TEX261: variants seen among roughly 807,000 people sequenced by gnomAD.
TEX261 encodes the protein protein TEX261.
In TEX261, 13 loss-of-function variants were observed where a neutral mutation model predicts 25.1. The ratio of observed to expected loss-of-function variants is 0.52; its 90% confidence interval spans 0.34 to 0.82. The LOEUF (loss-of-function observed/expected upper bound fraction) is 0.82. TEX261 is among the 40% of genes least tolerant of loss of function. TEX261 has a pLI of 0.02. For synonymous variants in TEX261, 92 were observed against 97.8 expected (o/e 0.94, Z 0.35); for missense variants, 206 against 243.2 (o/e 0.85, Z 1.02).
rs1400668667 is a variant in TEX261 at position 70,994,400 on chromosome 2, T to G, written c.70+288A>C. 5 of 513,270 alleles carry G rather than the reference T, an allele frequency of 9.7e-6. No individual in the cohort carries two copies. In the Admixed American group the frequency reaches 1.5e-4, roughly 15 times the overall value. 31.8% of individuals were successfully genotyped at this position (513,270 alleles called of 1,614,324 possible). A position where few individuals can be genotyped will look rare whatever the true frequency, so the allele number is the denominator to read the frequency against. ...TTCCGCGCGGCAGGCCCGCGAAGAGTGGGAGCCGCAGCGGTTAGCGGTCCG... is the reference window on the plus strand; with the variant it reads ...TTCCGCGCGGCAGGCCCGCGAAGAGGGGGAGCCGCAGCGGTTAGCGGTCCG... On this transcript the variant is annotated intron_variant, in intron 1 of 5. Coordinates refer to ENST00000272438, the MANE Select transcript of TEX261 (RefSeq NM_144582.3).
intron 2 of TEX261, among the ~76,000 whole-genome samples, chr2:70,992,909 A>G (rs543164140): frequency 5.9e-5 from 9 of 152,290 alleles, no homozygotes; most frequent in African/African-American, 1.9e-4. Context: ...AACACTACTG[A>G]TAAGTACCTA....
rs782814325 is a variant in TEX261, at chr2:70,989,769, C to G, written c.352G>C (p.Glu118Gln). ...CTTACCTCTGAGAAGGGATAATATT[C>G]TTCTGCAAAAAACTGAAATGCTAGG... ...HYLAFQFFAE[E>Q]YYPFSEVLAY... Residue 118 changes from glutamate to glutamine, a missense_variant, in exon 4 of 6, where the codon GAA becomes CAA. By Grantham distance (29) the Glu-to-Gln change is conservative. Transcript: ENST00000272438. 2.5e-6 allele frequency: 4 copies of G among 1,613,056 alleles called. No individual in the cohort carries two copies. In the East Asian group the frequency reaches 6.7e-5, roughly 27 times the overall value.
At chr2:70,989,166 C>T in intron 4 of TEX261, 149 bp from the exon 5 acceptor site, 2 of 672,204 alleles carry the variant, frequency 3.0e-6, no homozygotes, top group East Asian at 2.7e-5. Context: ...ACGCCACCCT[C>T]AGACATGGAA....
In TEX261 at chr2:70,989,910, T is replaced by G. The variant is rs1384018005; in HGVS notation, c.305-94A>C. On this transcript the variant is annotated intron_variant, in intron 3 of 5. Transcript: ENST00000272438. ...GGCCCTCAGAAGTTGGGAGCCTCCA[T>G]GGAGTCTTAGGCCTGACTTTACACT... 4.4e-6 allele frequency: 4 copies of G among 911,578 alleles called. No individual in the cohort carries two copies. In the African/African-American group the frequency reaches 4.9e-5, roughly 11 times the overall value. 56.5% of individuals were successfully genotyped at this position (911,578 alleles called of 1,614,324 possible).
intron 1 of TEX261, among the ~76,000 whole-genome samples, chr2:70,994,140 T>C (rs942251447): frequency 2.8e-4 from 42 of 152,144 alleles, no homozygotes; most frequent in African/African-American, 9.9e-4. Context: ...CTGACCCAGC[T>C]TGGGAAAGGG....
Position 70,993,695 on chromosome 2 carries a change from C to T in TEX261, c.150+1G>A, listed in dbSNP as rs1670349294. On this transcript the variant is annotated splice_donor_variant, in intron 2 of 5. Coordinates refer to ENST00000272438, the MANE Select transcript of TEX261 (RefSeq NM_144582.3). LOFTEE classifies it high-confidence loss of function. Reference sequence around the variant, plus strand: ...GACTCCTGGAGAAAGATGCCACTTACCCAGATCATGTATTTTATGATCCTG... The same window carrying T: ...GACTCCTGGAGAAAGATGCCACTTATCCAGATCATGTATTTTATGATCCTG... The T allele has an allele frequency of 6.2e-7, 1 of 1,613,026 alleles. No individual in the cohort carries two copies. Among genetic ancestry groups the T allele is most frequent in the Non-Finnish European group, 8.5e-7 (1 of 1,179,248 alleles).
chr2:70,991,557 A>G (rs1670299150), intron 3 of TEX261, among the ~76,000 whole-genome samples: 1 of 152,142 alleles, frequency 6.6e-6, no homozygotes, highest in South Asian at 2.1e-4. Context: ...GCCTCAGCCA[A>G]TCCACAACCT....
Position 70,994,691 on chromosome 2 carries a change from C to T in TEX261, c.67G>A (p.Val23Ile). 1.2e-6 allele frequency: 2 copies of T among 1,601,422 alleles called. No individual in the cohort carries two copies. The highest frequency in any genetic ancestry group is 1.7e-6 in the Non-Finnish European group (2 of 1,175,042). ...GGCCGGGGTCGTGCAGTCTCACCGA[C>T]AGCCAGCGTGATGAAGGCCACCTGG... ...FIQVAFITLA[V>I]AAGLYYLAEL... The change falls in exon 1 of 6, where the codon GTC (valine) becomes ATC (isoleucine). Residue 23 changes from valine to isoleucine, a missense_variant. Physicochemically the swap from Val to Ile is conservative, Grantham distance 29. Transcript: ENST00000272438.
chr2:70,992,169 G>A (rs1670314782), intron 2 of TEX261, among the ~76,000 whole-genome samples, 186 bp from the exon 3 acceptor site: 1 of 146,240 alleles, frequency 6.8e-6, no homozygotes, highest in African/African-American at 2.5e-5. Flanking sequence ...TTTTTGAGAC[G>A]GAGTCTCACT....
rs782138539 is a variant in TEX261, at chr2:70,991,943, C to T, written c.191G>A (p.Arg64His). The change falls in exon 3 of 6, where the codon CGC (arginine) becomes CAC (histidine). Residue 64 changes from arginine to histidine, a missense_variant. By Grantham distance (29) the Arg-to-His change is conservative. Coordinates refer to ENST00000272438, the MANE Select transcript of TEX261 (RefSeq NM_144582.3). ...AVLIGLYVFE[R>H]FPTSMIGVGL... The stretch of plus-strand genomic sequence containing the variant: ...CACTCCAATCATGCTGGTGGGGAAG[C>T]GCTCAAAGACGTAGAGGCCAATCAG... 5.0e-6 allele frequency: 8 copies of T among 1,612,496 alleles called. No homozygotes were observed. Among genetic ancestry groups the T allele is most frequent in the East Asian group, 2.2e-5 (1 of 44,862 alleles).
chr2:70,992,297 T>G (rs1670317645), intron 2 of TEX261, among the ~76,000 whole-genome samples: 1 of 152,166 alleles, frequency 6.6e-6, no homozygotes, highest in African/African-American at 2.4e-5. Context: ...CTAATTTTTG[T>G]GTCTTTAGTA....
At chr2:70,993,597 A>C in intron 2 of TEX261, 99 bp downstream of exon 2, 2 of 962,942 alleles carry the variant, frequency 2.1e-6, no homozygotes, top group Admixed American at 3.5e-5. Flanking sequence ...GAAACAGCAG[A>C]GACACAGGCC....
Position 70,989,000 on chromosome 2 carries a change from A to G in TEX261, c.390T>C (p.Thr130=). 6.2e-7 allele frequency: 1 copy of G among 1,613,806 alleles called. No homozygotes were observed. Among genetic ancestry groups the G allele is most frequent in the South Asian group, 1.1e-5 (1 of 90,948 alleles). The change falls in exon 5 of 6, where the codon ACT becomes ACC. Residue 130 remains threonine, a synonymous_variant. Transcript: ENST00000272438. ...YPFSEVLAYF[T]FCLWIIPFAF... ...CAAACGGAATTATCCACAGGCAGAA[A>G]GTGAAATAGGCCAGGACCTGGCAAC...
At position 70,988,727 on chromosome 2, in the gene TEX261, C is replaced by T. The variant is rs1553425219; in HGVS notation, c.476-12G>A. ...GGAGACGACATCATCTGTGGAGATA[C>T]AGGCAAGAATATGAGAGAGAGAGAG... On this transcript the variant is annotated splice_polypyrimidine_tract_variant and intron_variant, in intron 5 of 5. Coordinates refer to ENST00000272438, the MANE Select transcript of TEX261 (RefSeq NM_144582.3). The T allele has an allele frequency of 4.4e-6, 7 of 1,606,378 alleles. No homozygotes were observed. Among genetic ancestry groups the T allele is most frequent in the African/African-American group, 1.3e-5 (1 of 74,732 alleles).
chr2:70,990,262 G>A (rs1287051799), intron 3 of TEX261, among the ~76,000 whole-genome samples: 1 of 151,508 alleles, frequency 6.6e-6, no homozygotes, highest in Non-Finnish European at 1.5e-5. Flanking sequence ...GGGCAGCAAG[G>A]AGAAGGCCTG....
At chr2:70,994,594 C>T in intron 1 of TEX261, 94 bp downstream of exon 1, 2 of 1,513,526 alleles carry the variant, frequency 1.3e-6, no homozygotes, top group Non-Finnish European at 1.8e-6. Context: ...GGGCAGTGGT[C>T]CCCCGAGTGG....
At chr2:70,993,127 C>T (rs552770759) in intron 2 of TEX261, among the ~76,000 whole-genome samples, 2 of 152,326 alleles carry the variant, frequency 1.3e-5, no homozygotes, top group East Asian at 1.9e-4. Flanking sequence ...CAATGGCACC[C>T]CTACCCCCAG....
At chr2:70,991,156 C>T (rs1208958855) in intron 3 of TEX261, among the ~76,000 whole-genome samples, 1 of 152,202 alleles carries the variant, frequency 6.6e-6, no homozygotes, top group South Asian at 2.1e-4. Flanking sequence ...TACCTATATG[C>T]ACCTACTATA....
At position 70,987,398 on chromosome 2, in the gene TEX261, T is replaced by A. The variant is rs1316502475; in HGVS notation, c.*1202A>T. 3 of 152,638 alleles carry A rather than the reference T, an allele frequency of 2.0e-5. No individual in the cohort carries two copies. The highest frequency in any genetic ancestry group is 4.4e-5 in the Non-Finnish European group (3 of 68,046). 9.5% of individuals were successfully genotyped at this position (152,638 alleles called of 1,614,324 possible). On this transcript the variant is annotated 3_prime_UTR_variant, in exon 6 of 6. Transcript: ENST00000272438. The stretch of plus-strand genomic sequence containing the variant: ...ACAGGGGTTTTTCCAGTGGCTTAAA[T>A]GTATCACATGTGTACAGTTCATCTC...
Sources: gnomAD v4.1 joint callset for allele counts (sites outside exome capture counted in the v4.1 genomes callset) on GRCh38, gnomAD v4.1.1 for gene constraint, MANE v1.5 for transcripts, NCBI Gene and HGNC (gene_info 2026-07-23, HGNC 2026-07-21) for gene names.